Variants in ZNF480 observed in about 807,000 individuals in gnomAD.
ZNF480 encodes the protein zinc finger protein 480.
A neutral mutation model predicts 14.4 loss-of-function variants in ZNF480; 15 were observed. The ratio of observed to expected loss-of-function variants is 1.04; its 90% CI spans 0.70 to 1.60. The LOEUF is 1.60. ZNF480 is among the 40% of genes most tolerant of loss of function. ZNF480 has a pLI of 0.00. For synonymous variants in ZNF480, 218 were observed against 215.5 expected, an observed-to-expected ratio of 1.01 and a Z score of -0.10; for missense variants, 593 against 629.7, an observed-to-expected ratio of 0.94 and a Z score of 0.62.
At chr19:52,306,829 C>G (rs1982954311) in intron 2 of ZNF480, among the ~76,000 whole-genome samples, 1 of 152,110 alleles carries the variant, frequency 6.6e-6, no homozygotes, top group African/African-American at 2.4e-5. Context: ...GAACCGAGAG[C>G]AGTTGCTTGA....
At chr19:52,310,510 C>T (rs936555939) in intron 2 of ZNF480, among the ~76,000 whole-genome samples, 5 of 151,986 alleles carry the variant, frequency 3.3e-5, no homozygotes, top group Non-Finnish European at 7.4e-5. Context: ...CTGGCCCCTG[C>T]CCAGGCATCC....
At chr19:52,316,877 T>C (rs1020802047) in intron 4 of ZNF480, among the ~76,000 whole-genome samples, 9 of 152,194 alleles carry the variant, frequency 5.9e-5, no homozygotes, top group Admixed American at 5.9e-4. Flanking sequence ...CATCAAGAAA[T>C]TTGTATATTC....
At chr19:52,301,195 A>G (rs1982677198) in intron 2 of ZNF480, 1 of 152,676 alleles carries the variant, frequency 6.5e-6, no homozygotes, top group Admixed American at 6.5e-5. Flanking sequence ...TCTGCATGCT[A>G]CACAAAGACA....
intron 2 of ZNF480, among the ~76,000 whole-genome samples, chr19:52,308,201 G>A (rs1165445802): frequency 8.6e-5 from 13 of 151,888 alleles, no homozygotes; most frequent in Non-Finnish European, 1.9e-4. Context: ...TCACCTCTCT[G>A]TAGACCAGAA....
rs1272028912 is a variant in ZNF480, at chr19:52,323,461, A to G, written c.*603A>G. On this transcript the variant is annotated 3_prime_UTR_variant, in exon 5 of 5. Transcript: ENST00000595962. ...CCCTATCTGATTCTATGAGGCCAGC[A>G]TCATTCTAATACCAAAACCTGACAG... The G allele has an allele frequency of 1.3e-5, 2 of 152,052 alleles. No homozygotes were observed. Among genetic ancestry groups the G allele is most frequent in the African/African-American group, 4.8e-5 (2 of 41,410 alleles). 9.4% of individuals were successfully genotyped at this position (152,052 alleles called of 1,614,324 possible). A position where few individuals can be genotyped will look rare whatever the true frequency, so the allele number is the denominator to read the frequency against.
In ZNF480 at chr19:52,315,882, G is replaced by A. The variant is rs751234132; in HGVS notation, c.248G>A (p.Arg83Lys). 4 of 1,613,190 alleles carry A rather than the reference G, an allele frequency of 2.5e-6. No individual in the cohort carries two copies. In the South Asian group the frequency reaches 4.4e-5, roughly 18 times the overall value. ...ATTAACTCCATGTTGGAGCAAAGGAGGGAGCCCTGGTCTGGTGAGAGTGAA... is the reference window on the plus strand; with the variant it reads ...ATTAACTCCATGTTGGAGCAAAGGAAGGAGCCCTGGTCTGGTGAGAGTGAA... ...LNINSMLEQRREPWSGESEVK... is the reference protein window; with the variant it reads ...LNINSMLEQRKEPWSGESEVK... The change falls in exon 4 of 5, where the codon AGG becomes AAG. Residue 83 changes from arginine to lysine, a missense_variant. Coordinates refer to ENST00000595962, the MANE Select transcript of ZNF480 (RefSeq NM_144684.4).
rs1452212226 is a variant in ZNF480, at chr19:52,314,194, G to C, written c.114G>C (p.Gln38His). The change falls in exon 3 of 5, where the codon CAG becomes CAC. Residue 38 changes from glutamine (Q) to histidine (H), a missense_variant. Physicochemically the swap from Gln to His is conservative, Grantham distance 24. Coordinates refer to ENST00000595962, the MANE Select transcript of ZNF480 (RefSeq NM_144684.4). ...TFRDVAIEFS[Q>H]AEWKCLDPAQ... ...GGGACGTGGCCATAGAATTCTCTCA[G>C]GCGGAGTGGAAATGCCTGGACCCTG... 1.3e-6 allele frequency: 2 copies of C among 1,583,146 alleles called. No homozygotes were observed. The highest frequency in any genetic ancestry group is 1.7e-6 in the Non-Finnish European group (2 of 1,160,356).
At chr19:52,299,137 C>G (rs1014046085) in intron 1 of ZNF480, among the ~76,000 whole-genome samples, 1 of 152,206 alleles carries the variant, frequency 6.6e-6, no homozygotes, top group Admixed American at 6.5e-5. Flanking sequence ...TGACTTGAGT[C>G]ATTCAGGTGT....
In ZNF480 at chr19:52,325,301, G is replaced by T. The variant is rs746933171; in HGVS notation, c.*2443G>T. 1 of 150,928 alleles carries T rather than the reference G, an allele frequency of 6.6e-6. No individual in the cohort carries two copies. Among genetic ancestry groups the T allele is most frequent in the African/African-American group, 2.4e-5 (1 of 41,022 alleles). 9.3% of individuals were successfully genotyped at this position (150,928 alleles called of 1,614,324 possible). Reference sequence around the variant, plus strand: ...GATGCTAGTGAGGCTGCAGAGAAAAGCAAATACTTATACACTGCTGGTGGG... The same window carrying T: ...GATGCTAGTGAGGCTGCAGAGAAAATCAAATACTTATACACTGCTGGTGGG... On this transcript the variant is annotated 3_prime_UTR_variant, in exon 5 of 5. Coordinates refer to ENST00000595962, the MANE Select transcript of ZNF480 (RefSeq NM_144684.4).
At chr19:52,316,008 C>G (rs989308083) in intron 4 of ZNF480, 46 bp downstream of exon 4, 10 of 1,469,422 alleles carry the variant, frequency 6.8e-6, no homozygotes, top group Non-Finnish European at 9.1e-6. Flanking sequence ...GTTGTTTGGG[C>G]TTTTTTTTTG....
chr19:52,322,222 C>T lies in ZNF480; in HGVS notation c.972C>T (p.Phe324=), dbSNP rs777447942. Residue 324 remains phenylalanine (F), a synonymous_variant, in exon 5 of 5, where the codon TTC becomes TTT. Coordinates refer to ENST00000595962, the MANE Select transcript of ZNF480 (RefSeq NM_144684.4). The stretch of plus-strand genomic sequence containing the variant: ...AATGTAATGAATGTGGTAAAGGCTT[C>T]AGTCATAAGTCATCTCTAGCAAATC... The part of the protein sequence containing the change: ...PYKCNECGKG[F]SHKSSLANHW... The T allele has an allele frequency of 2.5e-6, 4 of 1,613,698 alleles. No individual in the cohort carries two copies. The South Asian group carries it at 3.3e-5, about 13-fold the overall frequency.
At chr19:52,313,648 A>G (rs1017853828) in intron 2 of ZNF480, among the ~76,000 whole-genome samples, 1 of 152,176 alleles carries the variant, frequency 6.6e-6, no homozygotes. Flanking sequence ...AAAATGAGAA[A>G]TCTATTTTGA....
At position 52,314,155 on chromosome 19, in the gene ZNF480, A is replaced by T. The variant is rs752610245; in HGVS notation, c.75A>T (p.Gly25=). 6.4e-7 allele frequency: 1 copy of T among 1,564,382 alleles called. No homozygotes were observed. The highest frequency in any genetic ancestry group is 1.7e-5 in the Admixed American group (1 of 58,018). ...AKESGMALPQ[G]HLTFRDVAIE... is the part of the protein sequence containing the mutation. Reference sequence around the variant, plus strand: ...GTGAAATGTGGTTTTCATTTTAGGGACACTTAACATTCAGGGACGTGGCCA... The same window carrying T: ...GTGAAATGTGGTTTTCATTTTAGGGTCACTTAACATTCAGGGACGTGGCCA... The change falls in exon 3 of 5, where the codon GGA becomes GGT. Residue 25 remains glycine (G), a splice_region_variant and synonymous_variant. Coordinates refer to ENST00000595962, the MANE Select transcript of ZNF480 (RefSeq NM_144684.4).
rs546503963 is a variant in ZNF480 at position 52,307,952 on chromosome 19, A to G, written c.73-6201A>G. Among the ~76,000 whole-genome samples, 12 of 152,292 alleles carry G rather than the reference A, an allele frequency of 7.9e-5. No individual in the cohort carries two copies. In the East Asian group the frequency reaches 1.9e-3, roughly 25 times the overall value. On this transcript the variant is annotated intron_variant, in intron 2 of 4. Coordinates refer to ENST00000595962, the MANE Select transcript of ZNF480 (RefSeq NM_144684.4). ...TGCTGCAGAAATCCTATTTATGGCC[A>G]GCTTCTTTAAAGCCTGTTTATGACA... is the stretch of plus-strand genomic sequence containing the variant.
intron 1 of ZNF480, 46 bp from the exon 2 acceptor site, chr19:52,300,347 AG>A (rs1463472849): frequency 6.3e-7 from 1 of 1,589,048 alleles, no homozygotes; most frequent in South Asian, 1.1e-5. Flanking sequence ...GCACAGGAAA[AG>A]GGTGTGTTGA....
intron 2 of ZNF480, among the ~76,000 whole-genome samples, chr19:52,307,723 A>C (rs1407251536): frequency 6.6e-6 from 1 of 152,214 alleles, no homozygotes; most frequent in African/African-American, 2.4e-5. Flanking sequence ...TACAGGAAAC[A>C]AAACATTCTT....
chr19:52,300,597 C>T (rs572818578), intron 2 of ZNF480, 113 bp downstream of exon 2: 23 of 1,559,456 alleles, frequency 1.5e-5, no homozygotes, highest in South Asian at 5.6e-5. Flanking sequence ...GGTTTGCTCA[C>T]GCTTACCTAT....
intron 1 of ZNF480, among the ~76,000 whole-genome samples, chr19:52,299,952 T>TG (rs1301767879): frequency 6.6e-5 from 10 of 152,232 alleles, no homozygotes; most frequent in African/African-American, 2.4e-4. Flanking sequence ...AGGCATCCAA[T>TG]GGGGGTCTTG....
At chr19:52,302,377 A>G (rs1982737116) in intron 2 of ZNF480, among the ~76,000 whole-genome samples, 1 of 152,144 alleles carries the variant, frequency 6.6e-6, no homozygotes, top group African/African-American at 2.4e-5. Flanking sequence ...TGTTTTTGTA[A>G]TTGCTGTTTT....
Sources: allele counts gnomAD v4.1 joint callset (sites outside exome capture counted in the v4.1 genomes callset), GRCh38; gene constraint gnomAD v4.1.1; transcripts MANE v1.5; gene names NCBI Gene and HGNC (gene_info 2026-07-23, HGNC 2026-07-21).